Variants in CRISPLD2 observed in about 807,000 individuals in gnomAD.
CRISPLD2 encodes the protein cysteine-rich secretory protein LCCL domain-containing 2.
CRISPLD2 carries 47 observed loss-of-function variants against 71.1 expected under a neutral mutation model. The ratio of observed to expected loss-of-function variants is 0.66; its 90% CI spans 0.52 to 0.84. CRISPLD2 has a LOEUF of 0.84. Ranked by LOEUF, CRISPLD2 falls within the 40% of genes least tolerant of loss-of-function variation. CRISPLD2 has a pLI of 0.00. For synonymous variants in CRISPLD2, 317 were observed against 250.1 expected, an observed-to-expected ratio of 1.27 and a Z score of -2.52; for missense variants, 830 against 651.1, an observed-to-expected ratio of 1.27 and a Z score of -2.99.
At chr16:84,841,056 G>T (rs1916757570) in intron 2 of CRISPLD2, among the ~76,000 whole-genome samples, 1 of 152,200 alleles carries the variant, frequency 6.6e-6, no homozygotes, top group Non-Finnish European at 1.5e-5. Flanking sequence ...TATTTGTGGA[G>T]CACCTTCGAT....
At chr16:84,896,471 A>G (rs953212175) in intron 14 of CRISPLD2, among the ~76,000 whole-genome samples, 2 of 152,214 alleles carry the variant, frequency 1.3e-5, no homozygotes, top group Non-Finnish European at 2.9e-5. Context: ...TTTCAACTTT[A>G]TAATGGTGTG....
At chr16:84,835,592 G>C (rs1464651410) in intron 1 of CRISPLD2, among the ~76,000 whole-genome samples, 1 of 152,192 alleles carries the variant, frequency 6.6e-6, no homozygotes, top group African/African-American at 2.4e-5. Flanking sequence ...TGTCTCCCAG[G>C]CTGGTGGCTT....
intron 14 of CRISPLD2, among the ~76,000 whole-genome samples, chr16:84,905,707 CTTTT>C (rs36068463): frequency 9.5e-5 from 11 of 116,082 alleles, no homozygotes; most frequent in Admixed American, 2.7e-4. Context: ...CAATAAAGCT[CTTTT>C]TTTTTTTTTT....
chr16:84,827,121 C>T (rs916193807), intron 1 of CRISPLD2, among the ~76,000 whole-genome samples: 1 of 151,524 alleles, frequency 6.6e-6, no homozygotes, highest in Non-Finnish European at 1.5e-5. Flanking sequence ...CCCCCCAGGC[C>T]CCTCTCACTG....
At chr16:84,899,245 C>G (rs1302933950) in intron 14 of CRISPLD2, among the ~76,000 whole-genome samples, 2 of 152,114 alleles carry the variant, frequency 1.3e-5, no homozygotes, top group African/African-American at 4.8e-5. Flanking sequence ...ATGAAAGTTG[C>G]TTGATACACT....
chr16:84,840,849 AT>A (rs1409511151), intron 2 of CRISPLD2, among the ~76,000 whole-genome samples: 1 of 152,098 alleles, frequency 6.6e-6, no homozygotes, highest in African/African-American at 2.4e-5. Context: ...GCCTATACAT[AT>A]TTATTGAATG....
chr16:84,881,002 G>A (rs763734254), intron 13 of CRISPLD2, among the ~76,000 whole-genome samples: 2 of 152,072 alleles, frequency 1.3e-5, no homozygotes, highest in African/African-American at 4.8e-5. Flanking sequence ...CCCACACCCG[G>A]CCAACCTCTT....
chr16:84,882,941 C>G (rs151012144), intron 13 of CRISPLD2, among the ~76,000 whole-genome samples: 4 of 152,310 alleles, frequency 2.6e-5, no homozygotes, highest in African/African-American at 4.8e-5. Context: ...GCATTCATAG[C>G]TACACTGATA....
At chr16:84,845,490 C>T (rs1597454329) in intron 2 of CRISPLD2, among the ~76,000 whole-genome samples, 1 of 152,342 alleles carries the variant, frequency 6.6e-6, no homozygotes, top group African/African-American at 2.4e-5. Flanking sequence ...CCGTGTTACC[C>T]TCAGAGGTCA....
chr16:84,898,241 G>A (rs1355425369), intron 14 of CRISPLD2, among the ~76,000 whole-genome samples: 2 of 152,110 alleles, frequency 1.3e-5, no homozygotes, highest in South Asian at 2.1e-4. Context: ...GCACAGTGTC[G>A]CACCAAGGAA....
chr16:84,850,884 C>G (rs193028685), intron 5 of CRISPLD2, among the ~76,000 whole-genome samples: 2 of 152,306 alleles, frequency 1.3e-5, no homozygotes, highest in Admixed American at 1.3e-4. Flanking sequence ...TCCTGCCGTA[C>G]CATTCTCTCC....
intron 2 of CRISPLD2, among the ~76,000 whole-genome samples, chr16:84,845,568 G>A (rs533716965): frequency 6.6e-6 from 1 of 152,360 alleles, no homozygotes; most frequent in East Asian, 1.9e-4. Flanking sequence ...CAGGACCTCT[G>A]GCAAGTTAGA....
At chr16:84,864,349 C>T (rs1802244992) in intron 6 of CRISPLD2, among the ~76,000 whole-genome samples, 1 of 152,160 alleles carries the variant, frequency 6.6e-6, no homozygotes, top group Non-Finnish European at 1.5e-5. Flanking sequence ...ATAGAGAGTC[C>T]TCAAATGCTT....
At position 84,844,654 on chromosome 16, in the gene CRISPLD2, C is replaced by T. The variant is rs188463615; in HGVS notation, c.241-1132C>T. Reference sequence around the variant, plus strand: ...CTGGGATTACAGGCGTGAGCCACTGCTCCGGGCCCATCTCCGGCACTTTCT... The same window carrying T: ...CTGGGATTACAGGCGTGAGCCACTGTTCCGGGCCCATCTCCGGCACTTTCT... On this transcript the variant is annotated intron_variant, in intron 2 of 14. Transcript: ENST00000262424. Among the ~76,000 whole-genome samples the T allele has an allele frequency of 4.7e-3, 719 of 152,214 alleles. 5 individuals carry two copies. Among genetic ancestry groups the T allele is most frequent in the African/African-American group, 0.016 (681 of 41,534 alleles).
At chr16:84,874,054 T>A in intron 11 of CRISPLD2, 91 bp downstream of exon 11, 1 of 1,162,758 alleles carries the variant, frequency 8.6e-7, no homozygotes, top group Non-Finnish European at 1.3e-6. Context: ...TGATTTAATG[T>A]TTATCATGCG....
At chr16:84,825,061 G>A (rs562516735) in intron 1 of CRISPLD2, among the ~76,000 whole-genome samples, 33 of 152,038 alleles carry the variant, frequency 2.2e-4, no homozygotes, top group African/African-American at 6.5e-4. Flanking sequence ...CCGAGATCAC[G>A]CCACCACTGC....
intron 2 of CRISPLD2, among the ~76,000 whole-genome samples, chr16:84,840,229 C>A (rs528478707): frequency 6.6e-6 from 1 of 152,216 alleles, no homozygotes; most frequent in Non-Finnish European, 1.5e-5. Context: ...GTGTCTCCCC[C>A]ACAAAGCTGC....
chr16:84,836,646 C>T (rs544281938), intron 1 of CRISPLD2, among the ~76,000 whole-genome samples: 3 of 152,250 alleles, frequency 2.0e-5, no homozygotes, highest in East Asian at 3.9e-4. Flanking sequence ...CAGCCTCTGT[C>T]GCCTGTTGCC....
At position 84,907,368 on chromosome 16, in the gene CRISPLD2, C is replaced by G. The variant is rs2071812652; in HGVS notation, c.*726C>G. On this transcript the variant is annotated 3_prime_UTR_variant, in exon 15 of 15. Transcript: ENST00000262424. ...AGAGATGTATCTTGTCTTTGTCAGG[C>G]CCTTCGTCTTCATGGCCCACCTGTT... 6.6e-6 allele frequency: 1 copy of G among 152,504 alleles called. No individual in the cohort carries two copies. Among genetic ancestry groups the G allele is most frequent in the Non-Finnish European group, 1.5e-5 (1 of 68,272 alleles). The allele number at this position is 152,504 out of a possible 1,614,324, so 9.4% of individuals were successfully genotyped here.
Sources: allele counts gnomAD v4.1 joint callset (sites outside exome capture counted in the v4.1 genomes callset), GRCh38; gene constraint gnomAD v4.1.1; transcripts MANE v1.5; gene names NCBI Gene and HGNC (gene_info 2026-07-23, HGNC 2026-07-21).